Variants in COL5A2 observed in about 807,000 individuals in gnomAD.
The protein encoded by COL5A2 is collagen alpha-2(V) chain.
Under a neutral mutation model 208.2 loss-of-function variants are expected in COL5A2, and 23 were observed. The observed-to-expected ratio is 0.11, with a 90% confidence interval of 0.08 to 0.16. COL5A2 has a LOEUF of 0.16. COL5A2 is among the 10% of genes least tolerant of loss of function. The pLI, the probability that COL5A2 is intolerant of heterozygous loss-of-function variation, is 1.00. For missense variants in COL5A2, 1,590 were observed against 1,956.4 expected (o/e 0.81, Z 3.53); for synonymous variants, 625 against 628.5 (o/e 0.99, Z 0.08).
the COL5A2 span, among the ~76,000 whole-genome samples, chr2:189,293,818 G>C: frequency 6.6e-6 from 1 of 152,160 alleles, no homozygotes; most frequent in East Asian, 1.9e-4. Context: ...AGGAGCGGTG[G>C]CTCATGCCTG....
chr2:189,098,946 G>T (rs1362921469), intron 4 of COL5A2, among the ~76,000 whole-genome samples, 187 bp from the exon 5 acceptor site: 1 of 152,086 alleles, frequency 6.6e-6, no homozygotes, highest in Non-Finnish European at 1.5e-5. Context: ...CTAATATAGG[G>T]AGGCAGTGCT....
the COL5A2 span, among the ~76,000 whole-genome samples, chr2:189,244,331 C>T: frequency 6.6e-6 from 1 of 152,204 alleles, no homozygotes; most frequent in African/African-American, 2.4e-5. Context: ...CCAGTCACCT[C>T]TTGAATGCTT....
chr2:189,170,008 C>T (rs574205113), intron 1 of COL5A2, among the ~76,000 whole-genome samples: 26 of 152,364 alleles, frequency 1.7e-4, no homozygotes, highest in African/African-American at 5.8e-4. Flanking sequence ...TGAGCCACCA[C>T]ACCTGGCCTG....
At chr2:189,158,824 T>G (rs1688304264) in intron 1 of COL5A2, among the ~76,000 whole-genome samples, 1 of 152,164 alleles carries the variant, frequency 6.6e-6, no homozygotes, top group African/African-American at 2.4e-5. Context: ...TTACCAAAAC[T>G]TTAATGTCTT....
intron 1 of COL5A2, among the ~76,000 whole-genome samples, chr2:189,119,763 TCATTAGCA>T (rs1687464546): frequency 6.6e-6 from 1 of 152,082 alleles, no homozygotes; most frequent in Admixed American, 6.6e-5. Flanking sequence ...GCTAATACAG[TCATTAGCA>T]CATGCTGAGA....
At chr2:189,383,456 T>G in the COL5A2 span, among the ~76,000 whole-genome samples, 3 of 152,162 alleles carry the variant, frequency 2.0e-5, no homozygotes, top group African/African-American at 7.2e-5. Context: ...TACAGTAAAC[T>G]TGGGTGTCAA....
At chr2:189,063,891 T>C (rs1686087492) in intron 26 of COL5A2, 89 bp downstream of exon 26, 1 of 1,030,834 alleles carries the variant, frequency 9.7e-7, no homozygotes, top group Non-Finnish European at 1.5e-6. Context: ...ATCCATATAA[T>C]CAAAAACATT....
intron 1 of COL5A2, among the ~76,000 whole-genome samples, chr2:189,213,838 G>A (rs1019935164): frequency 5.3e-5 from 8 of 152,202 alleles, no homozygotes; most frequent in Admixed American, 3.3e-4. Context: ...GGAAAGTAGA[G>A]AGTAGTTGTG....
the COL5A2 span, among the ~76,000 whole-genome samples, chr2:189,247,991 T>A: frequency 1.3e-5 from 2 of 152,228 alleles, no homozygotes; most frequent in African/African-American, 2.4e-5. Flanking sequence ...TTAAAGTCAA[T>A]ACATGTTCTA....
the COL5A2 span, among the ~76,000 whole-genome samples, chr2:189,292,072 G>A: frequency 6.6e-6 from 1 of 152,122 alleles, no homozygotes; most frequent in African/African-American, 2.4e-5. Context: ...CATTTTCCTA[G>A]AGAGAAAAAC....
At position 189,034,885 on chromosome 2, in the gene COL5A2, A is replaced by T; in HGVS notation, c.4353+31T>A. 5 of 1,613,522 alleles carry T rather than the reference A, an allele frequency of 3.1e-6. No individual in the cohort carries two copies. In the South Asian group the frequency reaches 5.5e-5, roughly 18 times the overall value. On this transcript the variant is annotated intron_variant, in intron 53 of 53. Coordinates refer to ENST00000374866, the MANE Select transcript of COL5A2 (RefSeq NM_000393.5). ...TAACAAAAATAATTTTTTTTCCTCA[A>T]CCAGATCAATGTAGATCAAAAAGTA... is the stretch of plus-strand genomic sequence containing the variant.
chr2:189,408,448 A>C, the COL5A2 span, among the ~76,000 whole-genome samples: 1 of 152,170 alleles, frequency 6.6e-6, no homozygotes, highest in Non-Finnish European at 1.5e-5. Context: ...CATTAGAATC[A>C]GACTCAAAAC....
chr2:189,266,362 G>A, the COL5A2 span, among the ~76,000 whole-genome samples: 1 of 151,648 alleles, frequency 6.6e-6, no homozygotes. Flanking sequence ...GGAGGCGGAG[G>A]TTACAGTGAG....
At chr2:189,338,674 T>C in the COL5A2 span, among the ~76,000 whole-genome samples, 9 of 148,570 alleles carry the variant, frequency 6.1e-5, no homozygotes, top group East Asian at 1.8e-3. Context: ...AAAATGTTTT[T>C]ATATTTTAAA....
At chr2:189,064,834 C>A (rs1053521395) in intron 24 of COL5A2, among the ~76,000 whole-genome samples, 170 bp downstream of exon 24, 1 of 152,118 alleles carries the variant, frequency 6.6e-6, no homozygotes, top group Non-Finnish European at 1.5e-5. Flanking sequence ...CCCCCTATGC[C>A]TCTTAATACA....
At chr2:189,306,738 T>C in the COL5A2 span, among the ~76,000 whole-genome samples, 1 of 152,252 alleles carries the variant, frequency 6.6e-6, no homozygotes, top group Non-Finnish European at 1.5e-5. Flanking sequence ...AGGGACTATT[T>C]GACAGCCTTA....
Position 189,058,724 on chromosome 2 carries a change from A to T in COL5A2, c.2130+125T>A, listed in dbSNP as rs186186367. On this transcript the variant is annotated intron_variant, in intron 32 of 53. Coordinates refer to ENST00000374866, the MANE Select transcript of COL5A2 (RefSeq NM_000393.5). ...CATAGCACAAAATATTTCTCATAAA[A>T]TTAATTTTTATCCAGTCAAAGAATT... 2.0e-3 allele frequency: 2,026 copies of T among 988,580 alleles called. 22 individuals carry two copies. In the African/African-American group the frequency reaches 0.025, roughly 12 times the overall value. The allele number at this position is 988,580 out of a possible 1,614,324, so 61.2% of individuals were successfully genotyped here.
Position 189,042,725 on chromosome 2 carries a change from G to A in COL5A2, c.3520C>T (p.Pro1174Ser). Residue 1174 changes from proline (P) to serine (S), a missense_variant, in exon 49 of 54, where the codon CCA becomes TCA. Transcript: ENST00000374866. ...TACTACTTTTTGTTACTTACTCTTG[G>A]GCCAAATGGTCCAGGGATTCCAGCA... ...GSAGIPGPFG[P>S]RGPPGPVGPS... 6.2e-7 allele frequency: 1 copy of A among 1,607,178 alleles called. No individual in the cohort carries two copies. Among genetic ancestry groups the A allele is most frequent in the East Asian group, 2.2e-5 (1 of 44,830 alleles).
At chr2:189,347,656 T>C in the COL5A2 span, among the ~76,000 whole-genome samples, 1 of 152,148 alleles carries the variant, frequency 6.6e-6, no homozygotes, top group African/African-American at 2.4e-5. Context: ...GACTTATTTT[T>C]AAAAGGGCCA....
Sources: gnomAD v4.1 joint callset for allele counts (sites outside exome capture counted in the v4.1 genomes callset) on GRCh38, gnomAD v4.1.1 for gene constraint, MANE v1.5 for transcripts, NCBI Gene and HGNC (gene_info 2026-07-23, HGNC 2026-07-21) for gene names.